Variants in RFX3 observed in about 807,000 individuals in gnomAD.
The protein encoded by RFX3 is regulatory factor X3, also known as transcription factor RFX3.
RFX3 carries 14 observed loss-of-function variants against 98.6 expected under a neutral mutation model. The ratio of observed to expected loss-of-function variants is 0.14; its 90% CI spans 0.09 to 0.22. The LOEUF (loss-of-function observed/expected upper bound fraction) is 0.22, where lower values mean the gene tolerates loss of function less well. RFX3 is among the 10% of genes least tolerant of loss of function. The pLI, the probability that RFX3 is intolerant of heterozygous loss-of-function variation, is 1.00. For synonymous variants in RFX3, 383 were observed against 328.4 expected (o/e 1.17, Z -1.80); for missense variants, 639 against 926.9 (o/e 0.69, Z 4.03).
chr9:3,505,363 A>AAATATAAAATATTTTATATTTATAT (rs1816929925), intron 1 of RFX3, among the ~76,000 whole-genome samples: 4 of 81,974 alleles, frequency 4.9e-5, no homozygotes, highest in Non-Finnish European at 8.5e-5. Flanking sequence ...ATATTTATAT[A>AAATATAAAATATTTTATATTTATAT]AATATAAAAT....
intron 15 of RFX3, among the ~76,000 whole-genome samples, chr9:3,246,491 A>C (rs535614): frequency 0.77 from 116,413 of 152,000 alleles, 46,433 homozygotes; most frequent in East Asian, 0.87. Context: ...ACATGGTGTT[A>C]ATGAGAATCC....
intron 3 of RFX3, among the ~76,000 whole-genome samples, chr9:3,343,996 C>G (rs910722730): frequency 1.3e-5 from 2 of 152,274 alleles, no homozygotes; most frequent in African/African-American, 4.8e-5. Context: ...TTTTAAAGAA[C>G]CTACCTTACA....
Position 3,374,087 on chromosome 9 carries a change from C to G in RFX3, c.117+21385G>C, listed in dbSNP as rs556118129. ...AGTGAGACTCTGTCTCACACACACA[C>G]GCGCGCACACACACACACACACACA... On this transcript the variant is annotated intron_variant, in intron 2 of 16. Transcript: ENST00000617270. Among the ~76,000 whole-genome samples the G allele has an allele frequency of 2.8e-5, 4 of 143,450 alleles. No homozygotes were observed. In the East Asian group the frequency reaches 7.9e-4, roughly 28 times the overall value. The allele number at this position is 143,450 out of a possible 152,430, so 94.1% of individuals were successfully genotyped here.
intron 1 of RFX3, among the ~76,000 whole-genome samples, chr9:3,488,257 A>G (rs1489837759): frequency 1.3e-5 from 2 of 152,202 alleles, no homozygotes; most frequent in Non-Finnish European, 2.9e-5. Flanking sequence ...CTCATTTCCT[A>G]TTACTTTACC....
rs187042522 is a variant in RFX3, at chr9:3,308,383, G to C, written c.475-6763C>G. 1.6e-3 allele frequency among the ~76,000 whole-genome samples: 251 copies of C among 152,280 alleles called. 3 individuals are homozygous for C. The highest frequency in any genetic ancestry group is 5.8e-3 in the African/African-American group (243 of 41,572). Reference sequence around the variant, plus strand: ...CAGAAATATTTTCAGAAGATGAAGAGGGGGATTCAGCACTGCCTTTAGACA... The same window carrying C: ...CAGAAATATTTTCAGAAGATGAAGACGGGGATTCAGCACTGCCTTTAGACA... On this transcript the variant is annotated intron_variant, in intron 4 of 16. Coordinates refer to ENST00000617270, the MANE Select transcript of RFX3 (RefSeq NM_001282116.2).
At chr9:3,469,606 T>C (rs771582175) in intron 1 of RFX3, among the ~76,000 whole-genome samples, 1 of 152,128 alleles carries the variant, frequency 6.6e-6, no homozygotes, top group Non-Finnish European at 1.5e-5. Context: ...TTGGAACAGC[T>C]CTTCTCATGG....
intron 1 of RFX3, among the ~76,000 whole-genome samples, chr9:3,424,442 A>G (rs1032901505): frequency 1.7e-4 from 23 of 137,426 alleles, no homozygotes; most frequent in East Asian, 8.6e-4. Context: ...ACTCACTGCA[A>G]GCTCCGCCTC....
At chr9:3,423,777 T>TAATATATATATA (rs1564081436) in intron 1 of RFX3, among the ~76,000 whole-genome samples, 2 of 53,130 alleles carry the variant, frequency 3.8e-5, no homozygotes, top group South Asian at 6.9e-4. Context: ...TTATATATTT[T>TAATATATATATA]CATATATATA....
chr9:3,396,492 A>G (rs1840893220), intron 1 of RFX3, among the ~76,000 whole-genome samples: 1 of 152,190 alleles, frequency 6.6e-6, no homozygotes, highest in African/African-American at 2.4e-5. Context: ...ATAGTGCCGC[A>G]GTAAACATAT....
chr9:3,401,608 T>C (rs1321633950), intron 1 of RFX3, among the ~76,000 whole-genome samples: 1 of 152,196 alleles, frequency 6.6e-6, no homozygotes, highest in African/African-American at 2.4e-5. Flanking sequence ...AGTTTGTCAA[T>C]GATGCAGCCC....
intron 12 of RFX3, 44 bp downstream of exon 12, chr9:3,266,164 T>A (rs752200059): frequency 2.5e-6 from 3 of 1,183,152 alleles, no homozygotes; most frequent in Admixed American, 1.8e-5. Flanking sequence ...CAATTCAGAA[T>A]AATTTCCTCA....
intron 4 of RFX3, among the ~76,000 whole-genome samples, chr9:3,304,022 A>T (rs1828987003): frequency 6.6e-6 from 1 of 152,040 alleles, no homozygotes; most frequent in Non-Finnish European, 1.5e-5. Flanking sequence ...ATGATAGGAC[A>T]AGCAAGAAAT....
At position 3,415,028 on chromosome 9, in the gene RFX3, ATT is replaced by A. The variant is rs1163664297; in HGVS notation, c.-8-19434_-8-19433del. Among the ~76,000 whole-genome samples, 811 of 134,598 alleles carry A rather than the reference ATT, an allele frequency of 6.0e-3. 6 individuals are homozygous for A. Among genetic ancestry groups the A allele is most frequent in the East Asian group, 0.02 (93 of 4,758 alleles). The allele number at this position is 134,598 out of a possible 152,430, so 88.3% of individuals were successfully genotyped here. The stretch of plus-strand genomic sequence containing the variant: ...TATATACTCATATATATACTTATAT[ATT>A]TACTTTTATATATATACTTATATAT... On this transcript the variant is annotated intron_variant, in intron 1 of 16. Coordinates refer to ENST00000617270, the MANE Select transcript of RFX3 (RefSeq NM_001282116.2).
chr9:3,518,344 G>C lies in RFX3; in HGVS notation c.-9+7403C>G, dbSNP rs576901282. On this transcript the variant is annotated intron_variant, in intron 1 of 16. Transcript: ENST00000617270. ...AAATTCACTGGCGAAAGGAAGCAGA[G>C]GAGGTGGCTAAGCTGAGAGTCAGTC... Among the ~76,000 whole-genome samples, 6 of 152,302 alleles carry C rather than the reference G, an allele frequency of 3.9e-5. No individual in the cohort carries two copies. The East Asian group carries it at 9.6e-4, about 24-fold the overall frequency.
rs1319799225 is a variant in RFX3, at chr9:3,505,443, A to ATAAATATAAAATACTTTAT, written c.-9+20303_-9+20304insATAAAGTATTTTATATTTA. On this transcript the variant is annotated intron_variant, in intron 1 of 16. Transcript: ENST00000617270. ...TAAAATATAAAATAAAATATTTTATATTTATATAAAATATAAAATAAAATA... is the reference window on the plus strand; with the variant it reads ...TAAAATATAAAATAAAATATTTTATATAAATATAAAATACTTTATTTTATATAAAATATAAAATAAAATA... 4.6e-4 allele frequency among the ~76,000 whole-genome samples: 4 copies of ATAAATATAAAATACTTTAT among 8,686 alleles called. 1 individual carries two copies. Among genetic ancestry groups the ATAAATATAAAATACTTTAT allele is most frequent in the African/African-American group, 1.2e-3 (4 of 3,226 alleles). The allele number at this position is 8,686 out of a possible 152,430, so 5.7% of individuals were successfully genotyped here.
At chr9:3,424,141 C>A (rs1843730277) in intron 1 of RFX3, among the ~76,000 whole-genome samples, 1 of 149,764 alleles carries the variant, frequency 6.7e-6, no homozygotes, top group South Asian at 2.1e-4. Context: ...AGGGAGACTC[C>A]TTCTCAAAAA....
intron 3 of RFX3, among the ~76,000 whole-genome samples, chr9:3,337,243 A>G (rs1163620299): frequency 6.6e-6 from 1 of 152,174 alleles, no homozygotes. Context: ...TAGATACAAT[A>G]ATAAGAGGTG....
chr9:3,347,286 G>A (rs1488586100), intron 2 of RFX3, among the ~76,000 whole-genome samples: 3 of 151,200 alleles, frequency 2.0e-5, no homozygotes, highest in South Asian at 2.1e-4. Context: ...GTGCCACTGC[G>A]CTCCAGCCTG....
At chr9:3,465,804 T>G (rs1328163453) in intron 1 of RFX3, among the ~76,000 whole-genome samples, 1 of 151,996 alleles carries the variant, frequency 6.6e-6, no homozygotes, top group East Asian at 1.9e-4. Context: ...TAGTAAGTAT[T>G]GCTATGGTGA....
Sources: allele counts gnomAD v4.1 joint callset (sites outside exome capture counted in the v4.1 genomes callset), GRCh38; gene constraint gnomAD v4.1.1; transcripts MANE v1.5; gene names NCBI Gene and HGNC (gene_info 2026-07-23, HGNC 2026-07-21).